Variants in CDH20 observed in about 807,000 individuals in gnomAD.
CDH20 encodes the protein cadherin-20.
In CDH20, 29 loss-of-function variants were observed where a neutral mutation model predicts 74.2. The observed-to-expected ratio is 0.39, with a 90% CI of 0.29 to 0.53. The LOEUF is 0.53. Ranked by LOEUF, CDH20 falls within the 20% of genes least tolerant of loss-of-function variation. The pLI is 0.69. For missense variants in CDH20, 988 were observed against 1,048.3 expected (o/e 0.94, Z 0.79); for synonymous variants, 469 against 405.4 (o/e 1.16, Z -1.88).
At chr18:61,390,924 A>G (rs1404669719) in intron 1 of CDH20, among the ~76,000 whole-genome samples, 1 of 152,214 alleles carries the variant, frequency 6.6e-6, no homozygotes, top group Non-Finnish European at 1.5e-5. Flanking sequence ...CCTTTTGAAT[A>G]TATCAACAAA....
intron 1 of CDH20, among the ~76,000 whole-genome samples, chr18:61,382,570 A>G (rs1247384468): frequency 6.6e-6 from 1 of 152,238 alleles, no homozygotes; most frequent in Non-Finnish European, 1.5e-5. Flanking sequence ...ATCTCAACAC[A>G]TAATTGCTAT....
At chr18:61,499,050 G>A (rs1281902741) in intron 2 of CDH20, 136 bp from the exon 3 acceptor site, 2 of 667,040 alleles carry the variant, frequency 3.0e-6, no homozygotes, top group Non-Finnish European at 4.9e-6. Flanking sequence ...CTAGTTCTTT[G>A]TCGACAAACT....
At chr18:61,338,352 A>G (rs1372707179) in intron 1 of CDH20, among the ~76,000 whole-genome samples, 1 of 152,120 alleles carries the variant, frequency 6.6e-6, no homozygotes, top group African/African-American at 2.4e-5. Context: ...AGTGTTTCAG[A>G]ATAATCTGCC....
intron 2 of CDH20, among the ~76,000 whole-genome samples, chr18:61,493,940 G>A (rs1426655359): frequency 3.9e-5 from 6 of 152,316 alleles, no homozygotes; most frequent in African/African-American, 1.4e-4. Context: ...CTGACGCTGA[G>A]TACTTGGCAC....
Position 61,545,102 on chromosome 18 carries a change from G to A in CDH20, c.1606G>A (p.Glu536Lys), listed in dbSNP as rs1165072511. 1.2e-6 allele frequency: 2 copies of A among 1,613,894 alleles called. No individual in the cohort carries two copies. The highest frequency in any genetic ancestry group is 4.5e-5 in the East Asian group (2 of 44,844). ...GCATTTCTACTACAGCTTGGCTCCT[G>A]AGGCTGCTAACAACCCCAACTTTAC... ...GQHFYYSLAP[E>K]AANNPNFTIR... The change falls in exon 10 of 12, where the codon GAG becomes AAG. Residue 536 changes from glutamate (E) to lysine (K), a missense_variant. By Grantham distance (56) the Glu-to-Lys change is moderately conservative. This residue lies in a region of CDH20 where 613 missense variants were observed against 755.2 expected (regional missense o/e 0.81). Transcript: ENST00000262717.
chr18:61,444,434 T>C (rs557051238), intron 1 of CDH20, among the ~76,000 whole-genome samples: 2 of 152,326 alleles, frequency 1.3e-5, no homozygotes, highest in South Asian at 4.1e-4. Flanking sequence ...TCAATGGCTA[T>C]TAAATATGGT....
In CDH20 at chr18:61,507,368, C is replaced by T. The variant is rs372555918; in HGVS notation, c.830-5C>T. The T allele has an allele frequency of 1.3e-5, 21 of 1,609,308 alleles. No individual in the cohort carries two copies. Among genetic ancestry groups the T allele is most frequent in the East Asian group, 2.2e-5 (1 of 44,716 alleles). On this transcript the variant is annotated splice_region_variant and splice_polypyrimidine_tract_variant and intron_variant, in intron 5 of 11. Coordinates refer to ENST00000262717, the MANE Select transcript of CDH20 (RefSeq NM_031891.4). Reference sequence around the variant, plus strand: ...AAGAATGCGTGTCCTGGCTTTTCTTCGTAGAACATTACCAGATGAGTGTGT... The same window carrying T: ...AAGAATGCGTGTCCTGGCTTTTCTTTGTAGAACATTACCAGATGAGTGTGT...
intron 1 of CDH20, among the ~76,000 whole-genome samples, chr18:61,473,699 G>A (rs1489097219): frequency 6.6e-6 from 1 of 152,106 alleles, no homozygotes; most frequent in East Asian, 1.9e-4. Flanking sequence ...TCAGAAAGGG[G>A]AAAAAATATC....
chr18:61,488,712 T>TTTTG (rs113623943), intron 1 of CDH20, among the ~76,000 whole-genome samples: 150,116 of 152,204 alleles, frequency 0.99, 74,070 homozygotes, highest in Non-Finnish European at 1. Context: ...GCAGTGGCTT[T>TTTTG]TTTTTTGTTT....
chr18:61,355,974 T>C (rs146989118), intron 1 of CDH20, among the ~76,000 whole-genome samples: 166 of 152,280 alleles, frequency 1.1e-3, no homozygotes, highest in African/African-American at 3.8e-3. Flanking sequence ...GTAAACTTAG[T>C]CAAGTCTCTC....
intron 1 of CDH20, among the ~76,000 whole-genome samples, chr18:61,460,077 C>G (rs994782640): frequency 6.6e-6 from 1 of 151,656 alleles, no homozygotes; most frequent in Non-Finnish European, 1.5e-5. Flanking sequence ...GGAGGACACA[C>G]TGGTTTTAAA....
At position 61,554,848 on chromosome 18, in the gene CDH20, TG is replaced by T. The variant is rs1555685850; in HGVS notation, c.*156del. ...GAGCTCTCTCTGGATCAGCTTTACT[TG>T]GGTAGATTAAGTTAAATAAGCAAAA... On this transcript the variant is annotated 3_prime_UTR_variant, in exon 12 of 12. Transcript: ENST00000262717. 7.1e-7 allele frequency: 1 copy of T among 1,413,152 alleles called. No individual in the cohort carries two copies. The highest frequency in any genetic ancestry group is 9.2e-7 in the Non-Finnish European group (1 of 1,086,850). The allele number at this position is 1,413,152 out of a possible 1,614,324, so 87.5% of individuals were successfully genotyped here.
chr18:61,496,451 A>G (rs1479453995), intron 2 of CDH20, among the ~76,000 whole-genome samples: 1 of 151,470 alleles, frequency 6.6e-6, no homozygotes, highest in East Asian at 2.0e-4. Flanking sequence ...CCCTTCTTCC[A>G]ACACAGTTTC....
At chr18:61,380,485 A>G (rs185895122) in intron 1 of CDH20, among the ~76,000 whole-genome samples, 75 of 152,340 alleles carry the variant, frequency 4.9e-4, no homozygotes, top group African/African-American at 1.7e-3. Flanking sequence ...CCATATTTTC[A>G]TGTTTTAATT....
chr18:61,538,777 CCTGG>C (rs1224192958), intron 8 of CDH20, among the ~76,000 whole-genome samples: 2 of 151,412 alleles, frequency 1.3e-5, no homozygotes, highest in African/African-American at 4.8e-5. Flanking sequence ...CGCCACCACG[CCTGG>C]CTAATTTTTT....
chr18:61,484,226 A>T (rs688060), intron 1 of CDH20, among the ~76,000 whole-genome samples: 4 of 152,240 alleles, frequency 2.6e-5, no homozygotes, highest in Non-Finnish European at 5.9e-5. Context: ...CACATAAAAC[A>T]GGAAATTAGT....
At chr18:61,545,291 T>A (rs1468904614) in intron 10 of CDH20, 147 bp downstream of exon 10, 1 of 641,594 alleles carries the variant, frequency 1.6e-6, no homozygotes, top group Admixed American at 2.6e-5. Flanking sequence ...TTTTTTTTTT[T>A]TTTTGAGATG....
At chr18:61,457,796 G>T (rs902976279) in intron 1 of CDH20, among the ~76,000 whole-genome samples, 1 of 152,070 alleles carries the variant, frequency 6.6e-6, no homozygotes, top group Non-Finnish European at 1.5e-5. Context: ...TTAAAACAGA[G>T]AAAGCTGAGA....
chr18:61,419,747 T>G (rs1288365816), intron 1 of CDH20, among the ~76,000 whole-genome samples: 1 of 152,202 alleles, frequency 6.6e-6, no homozygotes, highest in African/African-American at 2.4e-5. Flanking sequence ...CTCCCAGAGA[T>G]ACTTCAATTT....
Sources: gnomAD v4.1 joint callset for allele counts (sites outside exome capture counted in the v4.1 genomes callset) on GRCh38, gnomAD v4.1.1 for gene constraint, gnomAD v4.1.1 regional missense constraint, MANE v1.5 for transcripts, NCBI Gene and HGNC (gene_info 2026-07-23, HGNC 2026-07-21) for gene names.